Variants in COL6A5 observed in about 807,000 individuals in gnomAD.
COL6A5 encodes the protein collagen alpha-5(VI) chain.
A neutral mutation model predicts 65.6 loss-of-function variants in COL6A5; 48 were observed. The ratio of observed to expected loss-of-function variants is 0.73; its 90% CI spans 0.58 to 0.93. The LOEUF (loss-of-function observed/expected upper bound fraction) is 0.93, where lower values mean the gene tolerates loss of function less well. COL6A5 is among the 40% of genes least tolerant of loss of function. COL6A5 has a pLI of 0.00. For missense variants in COL6A5, 914 were observed against 928.3 expected, an observed-to-expected ratio of 0.98 and a Z score of 0.20; for synonymous variants, 291 against 322.8, an observed-to-expected ratio of 0.90 and a Z score of 1.05.
chr3:130,431,557 A>G, exon 1 of COL6A5: 1 of 1,551,674 alleles, frequency 6.4e-7, no homozygotes, highest in African/African-American at 1.4e-5. Flanking sequence ...ACGGGACATC[A>G]TCACTTCCAT....
intron 14 of COL6A5, 47 bp downstream of exon 14, chr3:130,405,706 C>G: frequency 7.1e-7 from 1 of 1,400,410 alleles, no homozygotes; most frequent in South Asian, 1.2e-5. Context: ...GTAACATTCT[C>G]TCCCTCTCTT....
upstream of COL6A5, chr3:130,429,554 C>A: frequency 3.2e-6 from 5 of 1,544,598 alleles, no homozygotes; most frequent in Non-Finnish European, 4.4e-6. Flanking sequence ...ACAAACTTTT[C>A]CCTCTCTCCT....
chr3:130,442,175 C>A (rs1470503493), intron 3 of COL6A5, among the ~76,000 whole-genome samples: 1 of 152,098 alleles, frequency 6.6e-6, no homozygotes, highest in Non-Finnish European at 1.5e-5. Flanking sequence ...AATTTTGATA[C>A]CAACTTTCCT....
exon 6 of COL6A5, chr3:130,389,077 T>C: frequency 6.8e-7 from 1 of 1,479,430 alleles, no homozygotes; most frequent in African/African-American, 1.4e-5. Context: ...TGTTGAGAAC[T>C]TCGATCATCT....
At chr3:130,455,422 T>G (rs966858817) in intron 4 of COL6A5, 33 bp from the exon 37 acceptor site, 1 of 1,387,754 alleles carries the variant, frequency 7.2e-7, no homozygotes, top group East Asian at 2.3e-5. Flanking sequence ...TCTAAAGTTA[T>G]CTAGACTCAC....
chr3:130,460,410 C>T (rs1709676267), intron 5 of COL6A5, among the ~76,000 whole-genome samples: 3 of 152,056 alleles, frequency 2.0e-5, no homozygotes, highest in African/African-American at 7.2e-5. Context: ...GAAGGTTTCA[C>T]ATGTGAACAA....
exon 5 of COL6A5, chr3:130,384,816 C>G: frequency 6.5e-7 from 1 of 1,544,940 alleles, no homozygotes; most frequent in Non-Finnish European, 8.7e-7. Context: ...TGTGTGGATA[C>G]AAAAGAGGCT....
exon 8 of COL6A5, chr3:130,484,213 C>G (rs1242232326): frequency 1.6e-6 from 1 of 638,190 alleles, no homozygotes; most frequent in East Asian, 2.9e-5. Flanking sequence ...CATCTCAAAT[C>G]TTGAGGAGAA....
In COL6A5 at chr3:130,409,360, A is replaced by G. The variant is rs887135551; in HGVS notation, c.4514A>G (p.Tyr1505Cys). ...GGTTCCAGAGGTGCCCCTGGGCAGT[A>G]TGGAGAGAAGGGCTTCCCAGGGGAT... The change falls in exon 18 of 42, where the codon TAT becomes TGT. Residue 1505 changes from tyrosine to cysteine, a missense_variant and NMD_transcript_variant. Physicochemically the swap from Tyr to Cys is radical, Grantham distance 194. Transcript: ENST00000312481. The G allele has an allele frequency of 3.2e-6, 5 of 1,548,450 alleles. No homozygotes were observed. The highest frequency in any genetic ancestry group is 3.5e-6 in the Non-Finnish European group (4 of 1,145,554).
rs1364290759 is a variant in COL6A5 at position 130,405,596 on chromosome 3, A to T, written c.4290A>T (p.Arg1430=). 9 of 1,550,800 alleles carry T rather than the reference A, an allele frequency of 5.8e-6. No individual in the cohort carries two copies. In the South Asian group the frequency reaches 1.1e-4, roughly 18 times the overall value. The stretch of plus-strand genomic sequence containing the variant: ...TGTGCTCCTTTTCTTAGGGAGTACG[A>T]GGAGACACAGGACCCCAAGGAGACA... Residue 1430 remains arginine (R), a synonymous_variant and NMD_transcript_variant, in exon 14 of 42, where the codon CGA becomes CGT. Coordinates refer to the COL6A5 transcript ENST00000312481.
intron 8 of COL6A5, among the ~76,000 whole-genome samples, chr3:130,397,225 G>A (rs1405409398): frequency 5.3e-5 from 8 of 152,016 alleles, no homozygotes; most frequent in African/African-American, 7.2e-5. Context: ...TAAAATGCAC[G>A]CCCACATGCA....
At chr3:130,369,056 G>T (rs956302434) in intron 1 of COL6A5, among the ~76,000 whole-genome samples, 7 of 152,112 alleles carry the variant, frequency 4.6e-5, no homozygotes, top group African/African-American at 1.7e-4. Flanking sequence ...TCCCTCTACT[G>T]GAGCTCCATA....
intron 18 of COL6A5, among the ~76,000 whole-genome samples, chr3:130,409,683 T>C (rs980608776): frequency 5.3e-5 from 8 of 152,292 alleles, no homozygotes; most frequent in African/African-American, 1.7e-4. Flanking sequence ...TTTGCAGACT[T>C]AGTTACGGGG....
At chr3:130,483,999 G>A (rs1383363359) in intron 7 of COL6A5, 36 bp from the exon 41 acceptor site, 1 of 1,590,860 alleles carries the variant, frequency 6.3e-7, no homozygotes, top group African/African-American at 1.3e-5. Flanking sequence ...CAAATACAAT[G>A]ACATTAAAAG....
chr3:130,460,404 G>T (rs1709676205), intron 5 of COL6A5, among the ~76,000 whole-genome samples: 1 of 152,032 alleles, frequency 6.6e-6, no homozygotes, highest in South Asian at 2.1e-4. Context: ...TTCTGTGAAG[G>T]TTTCACATGT....
chr3:130,477,700 A>G (rs1710134419), intron 7 of COL6A5, among the ~76,000 whole-genome samples: 1 of 152,084 alleles, frequency 6.6e-6, no homozygotes, highest in Non-Finnish European at 1.5e-5. Flanking sequence ...CTGGAGGTGG[A>G]GCCTCCAGAG....
intron 7 of COL6A5, 49 bp from the exon 40 acceptor site, chr3:130,471,633 C>T (rs1709954228): frequency 6.7e-7 from 1 of 1,500,348 alleles, no homozygotes; most frequent in Non-Finnish European, 8.9e-7. Context: ...TTTAATCTTG[C>T]AGGGGACTTG....
At chr3:130,351,274 C>T (rs1233376830) in intron 1 of COL6A5, among the ~76,000 whole-genome samples, 1 of 152,196 alleles carries the variant, frequency 6.6e-6, no homozygotes, top group Non-Finnish European at 1.5e-5. Context: ...TTGTCTAAAA[C>T]ACCAAAAGCA....
chr3:130,468,005 G>C (rs1409453445), intron 5 of COL6A5, among the ~76,000 whole-genome samples: 1 of 151,924 alleles, frequency 6.6e-6, no homozygotes, highest in African/African-American at 2.4e-5. Flanking sequence ...GATCCCTTAG[G>C]CTTAGAGCAG....
Sources: gnomAD v4.1 joint callset for allele counts (sites outside exome capture counted in the v4.1 genomes callset) on GRCh38, gnomAD v4.1.1 for gene constraint, MANE v1.5 for transcripts, NCBI Gene and HGNC (gene_info 2026-07-23, HGNC 2026-07-21) for gene names.